DCT: variants seen among roughly 807,000 people sequenced by gnomAD.
DCT encodes the protein L-dopachrome tautomerase.
DCT carries 47 observed loss-of-function variants against 53.0 expected under a neutral mutation model. That is an observed-to-expected ratio of 0.89 (90% CI 0.70 to 1.13). The LOEUF is 1.13. Among genes scored for constraint, DCT ranks in the 50% most tolerant of loss-of-function variants. The probability of loss-of-function intolerance (pLI) is 0.00; values close to 1 mark genes in which losing one functional copy is unlikely to be tolerated. For missense variants in DCT, 669 were observed against 637.4 expected, an observed-to-expected ratio of 1.05 and a Z score of -0.53; for synonymous variants, 244 against 237.0, an observed-to-expected ratio of 1.03 and a Z score of -0.27.
At chr13:94,548,660 C>G in the DCT span, among the ~76,000 whole-genome samples, 15 of 151,870 alleles carry the variant, frequency 9.9e-5, no homozygotes, top group African/African-American at 3.6e-4. Flanking sequence ...GGGGTGGGCT[C>G]CCACAGGTAG....
At chr13:94,472,538 A>C (rs1464501501) in intron 1 of DCT, among the ~76,000 whole-genome samples, 1 of 23,530 alleles carries the variant, frequency 4.2e-5, no homozygotes, top group East Asian at 1.3e-3. Context: ...ATATATATAT[A>C]TATATATATA....
the DCT span, among the ~76,000 whole-genome samples, chr13:94,527,007 C>G: frequency 0.01 from 1,562 of 152,054 alleles, 28 homozygotes; most frequent in African/African-American, 0.035. Context: ...GCCCATGGAG[C>G]CTTGCTCACT....
chr13:94,494,269 C>T, the DCT span, among the ~76,000 whole-genome samples: 4 of 152,170 alleles, frequency 2.6e-5, no homozygotes, highest in Admixed American at 2.6e-4. Context: ...AGCCAGAGCC[C>T]AGGAAACAGT....
the DCT span, among the ~76,000 whole-genome samples, chr13:94,520,264 C>T: frequency 6.6e-6 from 1 of 152,260 alleles, no homozygotes; most frequent in African/African-American, 2.4e-5. Flanking sequence ...GTCTCTTAGC[C>T]AAAATAGTTC....
the DCT span, among the ~76,000 whole-genome samples, chr13:94,545,888 CA>C: frequency 1.3e-5 from 2 of 152,014 alleles, no homozygotes; most frequent in Non-Finnish European, 2.9e-5. Flanking sequence ...TCTTCCCCTT[CA>C]CCCTCCCCTC....
intron 7 of DCT, among the ~76,000 whole-genome samples, chr13:94,440,453 G>T (rs1269905024): frequency 6.6e-6 from 1 of 152,080 alleles, no homozygotes; most frequent in Non-Finnish European, 1.5e-5. Flanking sequence ...CTTGGGAAGA[G>T]AAATTCTGCT....
chr13:94,486,637 T>C, the DCT span, among the ~76,000 whole-genome samples: 1 of 152,190 alleles, frequency 6.6e-6, no homozygotes, highest in Non-Finnish European at 1.5e-5. Context: ...GGCTTCAGTA[T>C]CCAGGAAAGC....
chr13:94,531,988 C>T, the DCT span, among the ~76,000 whole-genome samples: 9 of 152,100 alleles, frequency 5.9e-5, no homozygotes, highest in East Asian at 1.9e-4. Flanking sequence ...TACGAATAGA[C>T]GCTTCTCAAA....
At chr13:94,478,892 T>A in intron 1 of DCT, 69 bp downstream of exon 1, 1 of 1,446,974 alleles carries the variant, frequency 6.9e-7, no homozygotes, top group Non-Finnish European at 9.4e-7. Flanking sequence ...AAGAGTCTCA[T>A]CTCTTCCTTA....
chr13:94,531,580 C>T, the DCT span, among the ~76,000 whole-genome samples: 1 of 152,146 alleles, frequency 6.6e-6, no homozygotes, highest in Non-Finnish European at 1.5e-5. Flanking sequence ...GGAAAGCTGG[C>T]TCGCCATATG....
At position 94,478,976 on chromosome 13, in the gene DCT, T is replaced by A; in HGVS notation, c.280A>T (p.Thr94Ser). ...TGGGCCTCACCTGTGCACTTGCAGG[T>A]CCGGTGGAAGAATTTTCTTGGCCAC... is the stretch of plus-strand genomic sequence containing the variant. ...ELWPRKFFHR[T>S]CKCTGNFAGY... Residue 94 changes from threonine to serine, a missense_variant, in exon 1 of 8, where the codon ACC becomes TCC. By Grantham distance (58) the Thr-to-Ser change is moderately conservative. Coordinates refer to ENST00000377028, the MANE Select transcript of DCT (RefSeq NM_001922.5). 1 of 1,611,180 alleles carries A rather than the reference T, an allele frequency of 6.2e-7. No homozygotes were observed. Among genetic ancestry groups the A allele is most frequent in the Non-Finnish European group, 8.5e-7 (1 of 1,177,972 alleles).
chr13:94,474,601 G>A (rs1216506352), intron 1 of DCT, among the ~76,000 whole-genome samples: 1 of 152,164 alleles, frequency 6.6e-6, no homozygotes, highest in Non-Finnish European at 1.5e-5. Flanking sequence ...AAGTTTTTCA[G>A]AAGCCAAAAG....
At chr13:94,532,229 G>A in the DCT span, among the ~76,000 whole-genome samples, 8 of 152,132 alleles carry the variant, frequency 5.3e-5, no homozygotes, top group Admixed American at 5.2e-4. Flanking sequence ...ACAGTGTGGC[G>A]ATTCCTCAAG....
chr13:94,468,612 A>G, intron 2 of DCT, 134 bp downstream of exon 2: 1 of 791,850 alleles, frequency 1.3e-6, no homozygotes. Context: ...TGATAATTCT[A>G]CGACTTTCAT....
At chr13:94,467,127 A>G (rs895669139) in intron 2 of DCT, 2 of 152,484 alleles carry the variant, frequency 1.3e-5, no homozygotes, top group Non-Finnish European at 2.9e-5. Flanking sequence ...GTCCTAATGC[A>G]GTATTTATGT....
chr13:94,465,487 A>G, intron 4 of DCT, 146 bp downstream of exon 4: 1 of 570,522 alleles, frequency 1.8e-6, no homozygotes, highest in South Asian at 5.3e-5. Flanking sequence ...TTGAAATCCC[A>G]CCTCCCAGAG....
At chr13:94,441,487 C>T (rs1055730641) in intron 7 of DCT, among the ~76,000 whole-genome samples, 5 of 152,182 alleles carry the variant, frequency 3.3e-5, no homozygotes, top group South Asian at 2.1e-4. Context: ...TCTTGCAAAA[C>T]TGATACATTG....
intron 6 of DCT, among the ~76,000 whole-genome samples, chr13:94,453,140 T>A (rs991323903): frequency 1.3e-5 from 2 of 152,118 alleles, no homozygotes; most frequent in African/African-American, 4.8e-5. Flanking sequence ...CAATTATAAG[T>A]AATCTAGACA....
At chr13:94,526,881 GACAGACTGT>G in the DCT span, among the ~76,000 whole-genome samples, 2 of 152,078 alleles carry the variant, frequency 1.3e-5, no homozygotes, top group African/African-American at 4.8e-5. Flanking sequence ...GGGAAGCCGT[GACAGACTGT>G]ACCTGGAGAA....
Sources: allele counts gnomAD v4.1 joint callset (sites outside exome capture counted in the v4.1 genomes callset), GRCh38; gene constraint gnomAD v4.1.1; transcripts MANE v1.5; gene names NCBI Gene and HGNC (gene_info 2026-07-23, HGNC 2026-07-21).